ITGBL1: variants seen among roughly 807,000 people sequenced by gnomAD.
ITGBL1 encodes the protein integrin beta-like protein 1.
In ITGBL1, 51 loss-of-function variants were observed where a neutral mutation model predicts 68.5. That is an observed-to-expected ratio of 0.74 (90% CI 0.59 to 0.94). ITGBL1 has a LOEUF of 0.94. ITGBL1 is among the 40% of genes least tolerant of loss of function. The pLI is 0.00. For synonymous variants in ITGBL1, 209 were observed against 227.3 expected (o/e 0.92, Z 0.72); for missense variants, 649 against 647.4 (o/e 1.00, Z -0.03).
chr13:101,530,031 C>T (rs2049446066), intron 2 of ITGBL1, among the ~76,000 whole-genome samples: 1 of 152,044 alleles, frequency 6.6e-6, no homozygotes, highest in South Asian at 2.1e-4. Flanking sequence ...AGGAAGAACT[C>T]AGGGAATATT....
At chr13:101,642,903 G>A (rs2032431200) in intron 7 of ITGBL1, among the ~76,000 whole-genome samples, 1 of 150,920 alleles carries the variant, frequency 6.6e-6, no homozygotes, top group African/African-American at 2.4e-5. Flanking sequence ...TGAGGGCTCT[G>A]TTCTGTTCCA....
chr13:101,545,593 TA>T (rs1420861777), intron 2 of ITGBL1, among the ~76,000 whole-genome samples: 60 of 152,228 alleles, frequency 3.9e-4, no homozygotes, highest in South Asian at 4.1e-4. Flanking sequence ...ACAAATATTT[TA>T]AAAAAACGAC....
At position 101,645,012 on chromosome 13, in the gene ITGBL1, G is replaced by A. The variant is rs182858078; in HGVS notation, c.1015+46713G>A. Among the ~76,000 whole-genome samples, 8 of 152,218 alleles carry A rather than the reference G, an allele frequency of 5.3e-5. No individual in the cohort carries two copies. In the East Asian group the frequency reaches 9.7e-4, roughly 18 times the overall value. On this transcript the variant is annotated intron_variant, in intron 7 of 10. Transcript: ENST00000376180. ...GTAAATTGGAGAATTGCATTACTCA[G>A]GAATAATTTTTGACTCAATAACAGA...
intron 2 of ITGBL1, among the ~76,000 whole-genome samples, chr13:101,524,546 TA>T (rs1282398217): frequency 6.6e-6 from 1 of 152,096 alleles, no homozygotes; most frequent in Admixed American, 6.6e-5. Flanking sequence ...ATCACTGATG[TA>T]ATTTTGCATT....
intron 4 of ITGBL1, 114 bp downstream of exon 4, chr13:101,575,660 C>T (rs1277064396): frequency 1.7e-5 from 17 of 1,015,242 alleles, no homozygotes; most frequent in Non-Finnish European, 2.5e-5. Context: ...GTAGTTTAAA[C>T]CTATGTTTAT....
chr13:101,605,174 G>GACAGGCATGTGTGTATATGCGTATATATA (rs1491329678), intron 7 of ITGBL1, among the ~76,000 whole-genome samples: 4 of 65,650 alleles, frequency 6.1e-5, no homozygotes, highest in Non-Finnish European at 1.3e-4. Flanking sequence ...GCGTATATAT[G>GACAGGCATGTGTGTATATGCGTATATATA]CACATATAGA....
chr13:101,600,989 A>C (rs371515442), intron 7 of ITGBL1, among the ~76,000 whole-genome samples: 1 of 152,104 alleles, frequency 6.6e-6, no homozygotes, highest in Admixed American at 6.6e-5. Flanking sequence ...TTTTCTATTG[A>C]TTGGAATAGT....
chr13:101,530,592 C>T (rs2049456383), intron 2 of ITGBL1, among the ~76,000 whole-genome samples: 1 of 152,130 alleles, frequency 6.6e-6, no homozygotes. Context: ...TGTGTACTCT[C>T]TGGACATTTT....
chr13:101,493,698 C>T (rs1194456889), intron 2 of ITGBL1, among the ~76,000 whole-genome samples: 1 of 152,198 alleles, frequency 6.6e-6, no homozygotes, highest in Admixed American at 6.5e-5. Flanking sequence ...GTCCTTGCAC[C>T]TGGGGGACCT....
intron 2 of ITGBL1, among the ~76,000 whole-genome samples, chr13:101,458,391 C>A (rs2048273282): frequency 6.6e-6 from 1 of 152,144 alleles, no homozygotes; most frequent in Non-Finnish European, 1.5e-5. Flanking sequence ...AATAGGGCTA[C>A]AAGGGTTGGC....
At chr13:101,608,975 C>T (rs2031001319) in intron 7 of ITGBL1, among the ~76,000 whole-genome samples, 1 of 151,978 alleles carries the variant, frequency 6.6e-6, no homozygotes, top group Admixed American at 6.6e-5. Flanking sequence ...ATGTTATGGA[C>T]ATTAAATGAC....
chr13:101,547,582 C>CTG (rs1280651668), intron 2 of ITGBL1, among the ~76,000 whole-genome samples: 3 of 151,100 alleles, frequency 2.0e-5, no homozygotes, highest in African/African-American at 7.3e-5. Context: ...GGGGAGGGAA[C>CTG]TGAGATGGTT....
rs569839490 is a variant in ITGBL1, at chr13:101,583,004, C to G, written c.728-212C>G. On this transcript the variant is annotated intron_variant, in intron 5 of 10. Transcript: ENST00000376180. ...ATACTAATGACACATTCCACCAACT[C>G]ACATAATTATAGAATAGATAATAAC... Among the ~76,000 whole-genome samples, 154 of 152,250 alleles carry G rather than the reference C, an allele frequency of 1.0e-3. 3 individuals are homozygous for G. The highest frequency in any genetic ancestry group is 3.6e-3 in the African/African-American group (150 of 41,542).
intron 2 of ITGBL1, among the ~76,000 whole-genome samples, chr13:101,560,074 C>G (rs1047429497): frequency 6.6e-6 from 1 of 152,022 alleles, no homozygotes; most frequent in African/African-American, 2.4e-5. Context: ...GGTGCCCTGT[C>G]TTAAAAATGG....
At chr13:101,633,464 C>T (rs1228088055) in intron 7 of ITGBL1, among the ~76,000 whole-genome samples, 1 of 152,082 alleles carries the variant, frequency 6.6e-6, no homozygotes, top group East Asian at 1.9e-4. Flanking sequence ...ATGACTGTGC[C>T]CAGTTCTTCC....
chr13:101,708,366 A>C (rs1260803257), intron 9 of ITGBL1, among the ~76,000 whole-genome samples: 2 of 151,526 alleles, frequency 1.3e-5, no homozygotes, highest in African/African-American at 4.9e-5. Context: ...CACCACAGAC[A>C]CACTTTTTTT....
chr13:101,715,740 T>C lies in ITGBL1; in HGVS notation c.*86T>C. 1 of 787,490 alleles carries C rather than the reference T, an allele frequency of 1.3e-6. No individual in the cohort carries two copies. The highest frequency in any genetic ancestry group is 2.2e-6 in the Non-Finnish European group (1 of 454,550). The allele number at this position is 787,490 out of a possible 1,614,324, so 48.8% of individuals were successfully genotyped here. On this transcript the variant is annotated 3_prime_UTR_variant, in exon 11 of 11. Transcript: ENST00000376180. ...GAAGGAAACCATGTATATTCACCAC[T>C]AGGACAGGTTAAAAAGACCATTGTA...
At chr13:101,533,735 A>G (rs569006943) in intron 2 of ITGBL1, among the ~76,000 whole-genome samples, 5 of 147,400 alleles carry the variant, frequency 3.4e-5, no homozygotes, top group South Asian at 2.2e-4. Context: ...ATGATTTCCA[A>G]TGCTGAAGTA....
At chr13:101,635,023 T>G (rs986811143) in intron 7 of ITGBL1, among the ~76,000 whole-genome samples, 14 of 152,114 alleles carry the variant, frequency 9.2e-5, no homozygotes, top group East Asian at 1.9e-4. Context: ...ATTTCCTTTT[T>G]TTTTAGCTTT....
Sources: allele counts gnomAD v4.1 joint callset (sites outside exome capture counted in the v4.1 genomes callset), GRCh38; gene constraint gnomAD v4.1.1; transcripts MANE v1.5; gene names NCBI Gene and HGNC (gene_info 2026-07-23, HGNC 2026-07-21).